LRP1B: variants seen among roughly 807,000 people sequenced by gnomAD.
LRP1B encodes LDL receptor related protein 1B, also known as low-density lipoprotein receptor-related protein 1B.
LRP1B carries 217 observed loss-of-function variants against 556.6 expected under a neutral mutation model. The observed-to-expected ratio is 0.39, with a 90% CI of 0.35 to 0.44. LRP1B has a LOEUF of 0.44. Ranked by LOEUF, LRP1B falls within the 20% of genes least tolerant of loss-of-function variation. The pLI, the probability that LRP1B is intolerant of heterozygous loss-of-function variation, is 1.00. For synonymous variants in LRP1B, 2,047 were observed against 1,865.8 expected (o/e 1.10, Z -2.50); for missense variants, 5,053 against 5,620.8 (o/e 0.90, Z 3.23).
At chr2:142,044,396 A>T (rs1359690693) in intron 1 of LRP1B, among the ~76,000 whole-genome samples, 1 of 151,714 alleles carries the variant, frequency 6.6e-6, no homozygotes, top group Non-Finnish European at 1.5e-5. Context: ...TTTGGCAACC[A>T]ATCCACCGAT....
intron 2 of LRP1B, among the ~76,000 whole-genome samples, chr2:141,525,541 C>T (rs1176847229): frequency 6.6e-6 from 1 of 151,932 alleles, no homozygotes. Flanking sequence ...TTTTGTAAGA[C>T]ACTCAGGGAA....
At chr2:141,303,383 A>G (rs1339337480) in intron 3 of LRP1B, among the ~76,000 whole-genome samples, 2 of 152,086 alleles carry the variant, frequency 1.3e-5, no homozygotes, top group African/African-American at 4.8e-5. Context: ...CTACTCCTAC[A>G]TATCTGTACA....
chr2:141,814,551 G>T (rs1269245943), intron 1 of LRP1B, among the ~76,000 whole-genome samples: 1 of 152,138 alleles, frequency 6.6e-6, no homozygotes, highest in Non-Finnish European at 1.5e-5. Flanking sequence ...TGGTTGAATG[G>T]AATTTCAAGA....
In LRP1B at chr2:141,875,578, A is replaced by C. The variant is rs886933382; in HGVS notation, c.83-65177T>G. 3.3e-5 allele frequency among the ~76,000 whole-genome samples: 5 copies of C among 152,102 alleles called. No individual in the cohort carries two copies. In the East Asian group the frequency reaches 9.7e-4, roughly 29 times the overall value. On this transcript the variant is annotated intron_variant, in intron 1 of 90. Transcript: ENST00000389484. ...CTTAAGCAATATTTTCATTACATTA[A>C]TAATAGTTTGACAATTATTCAATTT...
At chr2:141,468,846 T>G (rs1394888671) in intron 3 of LRP1B, among the ~76,000 whole-genome samples, 1 of 152,182 alleles carries the variant, frequency 6.6e-6, no homozygotes, top group African/African-American at 2.4e-5. Flanking sequence ...GGGCTTGTCC[T>G]TCCCATTCTC....
At chr2:140,916,599 A>C in intron 21 of LRP1B, among the ~76,000 whole-genome samples, 1 of 152,324 alleles carries the variant, frequency 6.6e-6, no homozygotes, top group Non-Finnish European at 1.5e-5. Flanking sequence ...ACTTGATTTC[A>C]AAATGTATGT....
In LRP1B at chr2:140,982,354, TTC is replaced by T. The variant is rs1247464589; in HGVS notation, c.2771-80_2771-79del. 7 of 847,322 alleles carry T rather than the reference TTC, an allele frequency of 8.3e-6. No individual in the cohort carries two copies. The African/African-American group carries it at 1.2e-4, about 14-fold the overall frequency. 52.5% of individuals were successfully genotyped at this position (847,322 alleles called of 1,614,324 possible). On this transcript the variant is annotated intron_variant, in intron 17 of 90. Coordinates refer to ENST00000389484, the MANE Select transcript of LRP1B (RefSeq NM_018557.3). ...CAAGGATATAATTAAGCATGCAATA[TTC>T]CTTTCATACATAAGATAGTATGTTT...
intron 1 of LRP1B, among the ~76,000 whole-genome samples, chr2:141,844,149 G>A (rs1390157378): frequency 2.0e-5 from 3 of 152,064 alleles, no homozygotes; most frequent in African/African-American, 7.2e-5. Flanking sequence ...TATGGATAAG[G>A]AGAGTCAGAA....
Position 141,629,929 on chromosome 2 carries a change from A to T in LRP1B, c.206-149396T>A, listed in dbSNP as rs940339845. 2.0e-5 allele frequency among the ~76,000 whole-genome samples: 3 copies of T among 152,106 alleles called. No individual in the cohort carries two copies. In the South Asian group the frequency reaches 6.2e-4, roughly 32 times the overall value. ...AGTGAAGTCACTAACAAGCTGAGAGATCAGGCATGAGAGAAGAGCAGTCCC... is the reference window on the plus strand; with the variant it reads ...AGTGAAGTCACTAACAAGCTGAGAGTTCAGGCATGAGAGAAGAGCAGTCCC... On this transcript the variant is annotated intron_variant, in intron 2 of 90. Transcript: ENST00000389484.
rs1029791350 is a variant in LRP1B, at chr2:141,649,276, A to G, written c.205+161003T>C. On this transcript the variant is annotated intron_variant, in intron 2 of 90. Coordinates refer to ENST00000389484, the MANE Select transcript of LRP1B (RefSeq NM_018557.3). The stretch of plus-strand genomic sequence containing the variant: ...AGTATTCTGAGCGGGGGATTTCTGA[A>G]GATGAAGCAGCAGAAGGCATCATGG... Among the ~76,000 whole-genome samples, 8 of 152,200 alleles carry G rather than the reference A, an allele frequency of 5.3e-5. No homozygotes were observed. The East Asian group carries it at 1.5e-3, about 29-fold the overall frequency.
intron 20 of LRP1B, among the ~76,000 whole-genome samples, chr2:140,948,407 T>G (rs2105296523): frequency 6.6e-6 from 1 of 152,298 alleles, no homozygotes; most frequent in Non-Finnish European, 1.5e-5. Flanking sequence ...TTTCACTCAA[T>G]ATTAATGATA....
intron 2 of LRP1B, among the ~76,000 whole-genome samples, chr2:141,533,373 T>C (rs945870381): frequency 3.3e-5 from 5 of 152,194 alleles, no homozygotes; most frequent in Non-Finnish European, 5.9e-5. Context: ...TGTTCTTTTA[T>C]AATTATATGT....
Position 141,233,348 on chromosome 2 carries a change from T to A in LRP1B, c.593-3908A>T, listed in dbSNP as rs78003415. Among the ~76,000 whole-genome samples the A allele has an allele frequency of 1.2e-4, 18 of 152,300 alleles. No individual in the cohort carries two copies. In the East Asian group the frequency reaches 3.3e-3, roughly 28 times the overall value. On this transcript the variant is annotated intron_variant, in intron 5 of 90. Transcript: ENST00000389484. Reference sequence around the variant, plus strand: ...TAGAAGAGAAAAATTGTCCTCATACTCCTCACCACTCCTTGTATGTTGACA... The same window carrying A: ...TAGAAGAGAAAAATTGTCCTCATACACCTCACCACTCCTTGTATGTTGACA...
At chr2:140,262,913 C>G (rs966967099) in intron 86 of LRP1B, among the ~76,000 whole-genome samples, 2 of 151,992 alleles carry the variant, frequency 1.3e-5, no homozygotes, top group African/African-American at 4.8e-5. Context: ...GTGCGAAAAC[C>G]GATAAAAATA....
chr2:141,475,769 C>CA (rs763335694), intron 3 of LRP1B, among the ~76,000 whole-genome samples: 4 of 152,054 alleles, frequency 2.6e-5, no homozygotes, highest in Admixed American at 1.3e-4. Context: ...TGGGGATGGT[C>CA]AGAGAGGAGA....
chr2:142,046,816 G>A (rs181059341), intron 1 of LRP1B, among the ~76,000 whole-genome samples: 11 of 152,024 alleles, frequency 7.2e-5, no homozygotes, highest in Admixed American at 2.6e-4. Flanking sequence ...CATCTGCAAA[G>A]TTTTGTCTTT....
At position 140,335,618 on chromosome 2, in the gene LRP1B, CT is replaced by C; in HGVS notation, c.12112del (p.Arg4038GlufsTer3). 6.3e-7 allele frequency: 1 copy of C among 1,583,234 alleles called. No individual in the cohort carries two copies. Among genetic ancestry groups the C allele is most frequent in the Non-Finnish European group, 8.7e-7 (1 of 1,152,468 alleles). On this transcript the variant is annotated frameshift_variant, in exon 78 of 91. Coordinates refer to ENST00000389484, the MANE Select transcript of LRP1B (RefSeq NM_018557.3). LOFTEE classifies it high-confidence loss of function. Reference sequence around the variant, plus strand: ...AAATACTAAGCCATTAACCTACCCTCTTTTAGGATTTACTGCAATAGCATAG... The same window carrying C: ...AAATACTAAGCCATTAACCTACCCTCTTTAGGATTTACTGCAATAGCATAG... ...EPYAIAVNPKRGMMYWTVVGD... is the reference protein window; with the variant it reads ...EPYAIAVNPKXGMMYWTVVGD...
At chr2:141,248,058 A>C (rs1404335001) in intron 4 of LRP1B, among the ~76,000 whole-genome samples, 2 of 152,042 alleles carry the variant, frequency 1.3e-5, no homozygotes, top group African/African-American at 4.8e-5. Context: ...AAATGCAAAA[A>C]TTAGCCAGGC....
At chr2:141,437,711 TTG>T (rs372902358) in intron 3 of LRP1B, among the ~76,000 whole-genome samples, 193 of 152,042 alleles carry the variant, frequency 1.3e-3, no homozygotes, top group African/African-American at 4.5e-3. Context: ...AAAAGCAGCA[TTG>T]TCTTTTCAGC....
Sources: allele counts gnomAD v4.1 joint callset (sites outside exome capture counted in the v4.1 genomes callset), GRCh38; gene constraint gnomAD v4.1.1; transcripts MANE v1.5; gene names NCBI Gene and HGNC (gene_info 2026-07-23, HGNC 2026-07-21).